The following HPSE2 variants were observed in gnomAD, a reference collection of about 807,000 sequenced individuals.
The protein encoded by HPSE2 is inactive heparanase-2.
In HPSE2, 38 loss-of-function variants were observed where a neutral mutation model predicts 60.5. That is an observed-to-expected ratio of 0.63 (90% CI 0.48 to 0.82). The LOEUF (loss-of-function observed/expected upper bound fraction) is 0.82. Among genes scored for constraint, HPSE2 ranks in the 40% least tolerant of loss-of-function variants. The probability of loss-of-function intolerance (pLI) is 0.00; values close to 1 mark genes in which losing one functional copy is unlikely to be tolerated. For synonymous variants in HPSE2, 295 were observed against 293.2 expected, an observed-to-expected ratio of 1.01 and a Z score of -0.06; for missense variants, 713 against 740.4, an observed-to-expected ratio of 0.96 and a Z score of 0.43.
At chr10:99,306,041 A>G in the HPSE2 span, among the ~76,000 whole-genome samples, 1 of 145,078 alleles carries the variant, frequency 6.9e-6, no homozygotes, top group Admixed American at 7.0e-5. Flanking sequence ...AGGAGAGAAC[A>G]AAGGAAGAGA....
At chr10:98,672,961 G>A (rs1947544390) in intron 6 of HPSE2, among the ~76,000 whole-genome samples, 1 of 152,226 alleles carries the variant, frequency 6.6e-6, no homozygotes, top group African/African-American at 2.4e-5. Context: ...TCAGAAATTG[G>A]GGATGACTTT....
At chr10:98,807,431 C>G (rs1322581374) in intron 3 of HPSE2, among the ~76,000 whole-genome samples, 1 of 152,132 alleles carries the variant, frequency 6.6e-6, no homozygotes, top group Non-Finnish European at 1.5e-5. Context: ...TGGTATGAAA[C>G]TTTTTTGCTC....
At chr10:98,938,006 C>A (rs1954860679) in intron 3 of HPSE2, among the ~76,000 whole-genome samples, 1 of 143,592 alleles carries the variant, frequency 7.0e-6, no homozygotes, top group Admixed American at 6.9e-5. Flanking sequence ...TAGCAAACTC[C>A]AACAGACCTG....
chr10:99,082,715 G>T (rs1224228712), intron 3 of HPSE2, among the ~76,000 whole-genome samples: 1 of 152,090 alleles, frequency 6.6e-6, no homozygotes, highest in Non-Finnish European at 1.5e-5. Context: ...CACATTCTGT[G>T]TTGAATGAAA....
intron 11 of HPSE2, among the ~76,000 whole-genome samples, chr10:98,476,430 C>A (rs1591235929): frequency 6.7e-6 from 1 of 149,842 alleles, no homozygotes; most frequent in South Asian, 2.1e-4. Flanking sequence ...ATGTAACTAA[C>A]CTGCACATTG....
At position 99,235,505 on chromosome 10, in the gene HPSE2, T is replaced by C. The variant is rs1849809419; in HGVS notation, c.290+8A>G. On this transcript the variant is annotated splice_region_variant and intron_variant, in intron 1 of 11. Coordinates refer to ENST00000370552, the MANE Select transcript of HPSE2 (RefSeq NM_021828.5). Reference sequence around the variant, plus strand: ...ATTTTAAATGATCCATCGAAACCCCTGCCTTACCTTAGGAAATCGAGCCAG... The same window carrying C: ...ATTTTAAATGATCCATCGAAACCCCCGCCTTACCTTAGGAAATCGAGCCAG... 3 of 1,614,014 alleles carry C rather than the reference T, an allele frequency of 1.9e-6. No homozygotes were observed. The South Asian group carries it at 3.3e-5, about 18-fold the overall frequency.
At chr10:98,651,773 CT>C (rs35835305) in intron 6 of HPSE2, among the ~76,000 whole-genome samples, 1,824 of 142,560 alleles carry the variant, frequency 0.013, 25 homozygotes, top group African/African-American at 0.041. Context: ...GAACTAGTTC[CT>C]TTTTTTTTTT....
chr10:98,586,420 C>T (rs1044058953), intron 9 of HPSE2, among the ~76,000 whole-genome samples: 1 of 152,204 alleles, frequency 6.6e-6, no homozygotes, highest in Non-Finnish European at 1.5e-5. Context: ...GCCACTATTA[C>T]ACCTTCTACA....
intron 3 of HPSE2, among the ~76,000 whole-genome samples, chr10:98,972,371 G>GA (rs918190598): frequency 1.3e-5 from 2 of 151,410 alleles, no homozygotes; most frequent in African/African-American, 2.4e-5. Flanking sequence ...AAGCTTTGTT[G>GA]AAAAAAAATC....
chr10:99,294,168 C>T, the HPSE2 span, among the ~76,000 whole-genome samples: 5 of 151,780 alleles, frequency 3.3e-5, no homozygotes, highest in East Asian at 9.6e-4. Context: ...ATTAACACAT[C>T]TTAACACTCA....
chr10:99,150,193 G>A (rs1846207646), intron 2 of HPSE2, among the ~76,000 whole-genome samples: 1 of 152,098 alleles, frequency 6.6e-6, no homozygotes, highest in Non-Finnish European at 1.5e-5. Flanking sequence ...GGACATCTAG[G>A]TATAAAAGCA....
At chr10:98,544,024 T>C (rs1343065017) in intron 9 of HPSE2, among the ~76,000 whole-genome samples, 1 of 150,796 alleles carries the variant, frequency 6.6e-6, no homozygotes, top group Admixed American at 6.6e-5. Flanking sequence ...CAACAGAATA[T>C]ACATTTTTTT....
At chr10:99,164,860 C>T (rs905001957) in intron 2 of HPSE2, among the ~76,000 whole-genome samples, 17 of 151,876 alleles carry the variant, frequency 1.1e-4, no homozygotes, top group Non-Finnish European at 1.8e-4. Context: ...CCGACGTGGG[C>T]GGATCACGAG....
At chr10:99,062,041 A>C (rs963476841) in intron 3 of HPSE2, among the ~76,000 whole-genome samples, 6 of 152,166 alleles carry the variant, frequency 3.9e-5, no homozygotes, top group African/African-American at 1.4e-4. Flanking sequence ...GTCTTTTATC[A>C]ATTTGCTTCC....
At chr10:99,272,094 A>G in the HPSE2 span, among the ~76,000 whole-genome samples, 2 of 152,180 alleles carry the variant, frequency 1.3e-5, no homozygotes, top group Non-Finnish European at 2.9e-5. Flanking sequence ...AACATGGTGA[A>G]ACCCCGTCTC....
chr10:99,067,027 G>A (rs544080783), intron 3 of HPSE2, among the ~76,000 whole-genome samples: 3 of 152,276 alleles, frequency 2.0e-5, no homozygotes, highest in Admixed American at 6.5e-5. Context: ...TGGCCAAAAC[G>A]AAGGAGCTAT....
At chr10:99,282,629 T>C in the HPSE2 span, among the ~76,000 whole-genome samples, 1 of 152,098 alleles carries the variant, frequency 6.6e-6, no homozygotes, top group South Asian at 2.1e-4. Flanking sequence ...ACAGAACAAA[T>C]TTTAAAAGAC....
chr10:98,860,058 G>T (rs1194478062), intron 3 of HPSE2, among the ~76,000 whole-genome samples: 1 of 152,112 alleles, frequency 6.6e-6, no homozygotes, highest in East Asian at 1.9e-4. Context: ...AAAACATAGT[G>T]TCTTAGGGTT....
intron 3 of HPSE2, among the ~76,000 whole-genome samples, chr10:98,766,751 C>A (rs1950127395): frequency 6.6e-6 from 1 of 152,092 alleles, no homozygotes; most frequent in South Asian, 2.1e-4. Flanking sequence ...ATGGCGAAAC[C>A]CAATCTCTAC....
Sources: allele counts gnomAD v4.1 joint callset (sites outside exome capture counted in the v4.1 genomes callset), GRCh38; gene constraint gnomAD v4.1.1; transcripts MANE v1.5; gene names NCBI Gene and HGNC (gene_info 2026-07-23, HGNC 2026-07-21).